The following SHQ1 variants were observed in gnomAD, a reference collection of about 807,000 sequenced individuals.
SHQ1 encodes the protein protein SHQ1 homolog.
SHQ1 carries 49 observed loss-of-function variants against 53.8 expected under a neutral mutation model. That is an observed-to-expected ratio of 0.91 (90% CI 0.72 to 1.16). The LOEUF (loss-of-function observed/expected upper bound fraction) is 1.16, where lower values mean the gene tolerates loss of function less well. Among genes scored for constraint, SHQ1 ranks in the 50% most tolerant of loss-of-function variants. SHQ1 has a pLI of 0.00. For synonymous variants in SHQ1, 243 were observed against 251.0 expected (o/e 0.97, Z 0.30); for missense variants, 738 against 683.1 (o/e 1.08, Z -0.90).
intron 1 of SHQ1, chr3:72,846,225 C>T (rs372019193): frequency 1.6e-5 from 24 of 1,535,530 alleles, no homozygotes; most frequent in Middle Eastern, 1.7e-4. Flanking sequence ...ATGGGGCCTC[C>T]GCAGCTACAG....
chr3:72,753,167 G>A (rs1289237584), intron 10 of SHQ1: 2 of 985,306 alleles, frequency 2.0e-6, no homozygotes, highest in Non-Finnish European at 2.4e-6. Flanking sequence ...GTGACAGTGA[G>A]TGAAAGTGGT....
At chr3:72,767,785 T>TACACAC (rs1431846182) in intron 10 of SHQ1, among the ~76,000 whole-genome samples, 2 of 152,218 alleles carry the variant, frequency 1.3e-5, no homozygotes, top group African/African-American at 4.8e-5. Flanking sequence ...AATATAGGAA[T>TACACAC]ACACAGTACA....
chr3:72,841,633 T>C (rs919968906), intron 3 of SHQ1, among the ~76,000 whole-genome samples: 5 of 152,064 alleles, frequency 3.3e-5, no homozygotes, highest in African/African-American at 1.2e-4. Flanking sequence ...TTGACAGAGG[T>C]GGTGTTCACT....
intron 10 of SHQ1, among the ~76,000 whole-genome samples, chr3:72,788,100 A>G (rs1024215317): frequency 6.6e-5 from 10 of 152,222 alleles, no homozygotes; most frequent in Non-Finnish European, 1.2e-4. Flanking sequence ...TTGGCCTCCC[A>G]AAGTGCCAAG....
At chr3:72,837,512 A>G (rs1034400975) in intron 4 of SHQ1, among the ~76,000 whole-genome samples, 2 of 152,206 alleles carry the variant, frequency 1.3e-5, no homozygotes, top group Non-Finnish European at 2.9e-5. Context: ...AGAAACAAAA[A>G]AGCCATTTTT....
intron 5 of SHQ1, among the ~76,000 whole-genome samples, chr3:72,828,622 G>A (rs1256532298): frequency 2.0e-5 from 3 of 152,124 alleles, no homozygotes; most frequent in African/African-American, 7.2e-5. Flanking sequence ...TGAACCCCGG[G>A]AGGCAGAGGC....
chr3:72,769,737 G>A (rs1384829740), intron 10 of SHQ1, among the ~76,000 whole-genome samples: 1 of 152,134 alleles, frequency 6.6e-6, no homozygotes, highest in East Asian at 1.9e-4. Context: ...ATCTTGTCTT[G>A]TCTCTACAAC....
intron 5 of SHQ1, among the ~76,000 whole-genome samples, chr3:72,826,827 T>C (rs1707673360): frequency 6.6e-6 from 1 of 152,172 alleles, no homozygotes; most frequent in Non-Finnish European, 1.5e-5. Flanking sequence ...CTGAACATAA[T>C]ATAGTGGCAA....
the SHQ1 span, among the ~76,000 whole-genome samples, chr3:72,733,735 C>T: frequency 2.5e-4 from 38 of 151,796 alleles, no homozygotes; most frequent in Non-Finnish European, 4.6e-4. Context: ...TCAAAGCAGG[C>T]GAAGTGTGTC....
At position 72,778,456 on chromosome 3, in the gene SHQ1, A is replaced by AAAAGAAAAGAAAAG. The variant is rs547210315; in HGVS notation, c.1181+14446_1181+14459dup. On this transcript the variant is annotated intron_variant, in intron 10 of 10. Transcript: ENST00000325599. ...AGAAACCCTGTCTCTTTAAAAAAAGAAAAGAAAAGAAAAGAAAAGAAAAAA... is the reference window on the plus strand; with the variant it reads ...AGAAACCCTGTCTCTTTAAAAAAAGAAAAGAAAAGAAAAGAAAGAAAAGAAAAGAAAAGAAAAAA... 5.1e-3 allele frequency among the ~76,000 whole-genome samples: 766 copies of AAAAGAAAAGAAAAG among 150,058 alleles called. 10 individuals carry two copies. The highest frequency in any genetic ancestry group is 0.019 in the African/African-American group (737 of 39,584).
intron 9 of SHQ1, among the ~76,000 whole-genome samples, chr3:72,811,481 C>T (rs181236628): frequency 3.3e-5 from 5 of 152,280 alleles, no homozygotes; most frequent in African/African-American, 7.2e-5. Context: ...TTGTTTCCCA[C>T]TGTTAAGTTA....
chr3:72,843,595 C>T (rs1021547573), intron 2 of SHQ1, among the ~76,000 whole-genome samples: 7 of 152,232 alleles, frequency 4.6e-5, no homozygotes, highest in Admixed American at 4.6e-4. Context: ...TTCCTTAACT[C>T]CTGTGTACTT....
chr3:72,738,216 A>C, the SHQ1 span, among the ~76,000 whole-genome samples: 6 of 152,156 alleles, frequency 3.9e-5, no homozygotes, highest in Admixed American at 1.3e-4. Flanking sequence ...CCTGTGCCCA[A>C]CCTGGGAAAA....
At chr3:72,738,640 C>A in the SHQ1 span, among the ~76,000 whole-genome samples, 6 of 152,140 alleles carry the variant, frequency 3.9e-5, no homozygotes, top group Non-Finnish European at 7.3e-5. Flanking sequence ...GGGTGCCTTC[C>A]CCCAACGAAA....
chr3:72,765,553 A>ATTTTTT lies in SHQ1; in HGVS notation c.1182-14718_1182-14717insAAAAAA, dbSNP rs1301529961. Among the ~76,000 whole-genome samples the ATTTTTT allele has an allele frequency of 1.2e-4, 10 of 85,410 alleles. 1 individual carries two copies. The highest frequency in any genetic ancestry group is 7.0e-4 in the African/African-American group (10 of 14,278). The allele number at this position is 85,410 out of a possible 152,430, so 56.0% of individuals were successfully genotyped here. On this transcript the variant is annotated intron_variant, in intron 10 of 10. Coordinates refer to ENST00000325599, the MANE Select transcript of SHQ1 (RefSeq NM_018130.3). Reference sequence around the variant, plus strand: ...GACATATATATATATATATATATATATATATTTTTTTTTTTTTTTTGAGAC... The same window carrying ATTTTTT: ...GACATATATATATATATATATATATATTTTTTTATATTTTTTTTTTTTTTTTGAGAC...
chr3:72,833,247 C>G (rs1245425473), intron 4 of SHQ1, among the ~76,000 whole-genome samples: 1 of 151,964 alleles, frequency 6.6e-6, no homozygotes, highest in African/African-American at 2.4e-5. Context: ...TTCGAACCAC[C>G]CTGGGCAACA....
intron 10 of SHQ1, among the ~76,000 whole-genome samples, chr3:72,751,529 T>TATATATATATATATATATACACAC (rs1491584090): frequency 1.4e-5 from 2 of 137,994 alleles, no homozygotes; most frequent in African/African-American, 5.9e-5. Context: ...TATATATATA[T>TATATATATATATATATATACACAC]ACATATACAT....
chr3:72,793,189 C>A, intron 9 of SHQ1, 153 bp from the exon 10 acceptor site: 1 of 591,952 alleles, frequency 1.7e-6, no homozygotes, highest in Non-Finnish European at 2.8e-6. Flanking sequence ...GGTCCAAACC[C>A]CTTTACTGAT....
intron 4 of SHQ1, 139 bp downstream of exon 4, chr3:72,840,906 T>C: frequency 2.1e-6 from 2 of 937,826 alleles, no homozygotes; most frequent in Middle Eastern, 4.5e-4. Flanking sequence ...TCTATGTACT[T>C]TAGCTGTGCT....
Sources: gnomAD v4.1 joint callset for allele counts (sites outside exome capture counted in the v4.1 genomes callset) on GRCh38, gnomAD v4.1.1 for gene constraint, MANE v1.5 for transcripts, NCBI Gene and HGNC (gene_info 2026-07-23, HGNC 2026-07-21) for gene names.